Variants in PIWIL1 observed in about 807,000 individuals in gnomAD.
The protein encoded by PIWIL1 is piwi-like protein 1.
In PIWIL1, 73 loss-of-function variants were observed where a neutral mutation model predicts 114.4. The observed-to-expected ratio is 0.64, with a 90% CI of 0.53 to 0.78. The LOEUF is 0.78. Ranked by LOEUF, PIWIL1 falls within the 30% of genes least tolerant of loss-of-function variation. The probability of loss-of-function intolerance (pLI) is 0.00; values close to 1 mark genes in which losing one functional copy is unlikely to be tolerated. For missense variants in PIWIL1, 723 were observed against 1,063.1 expected, an observed-to-expected ratio of 0.68 and a Z score of 4.45; for synonymous variants, 375 against 369.0, an observed-to-expected ratio of 1.02 and a Z score of -0.19.
At chr12:130,399,594 T>G in the PIWIL1 span, 1 of 1,481,526 alleles carries the variant, frequency 6.7e-7, no homozygotes, top group Non-Finnish European at 9.2e-7. Context: ...CGGCCCAAGA[T>G]ATAAAAATAT....
the PIWIL1 span, among the ~76,000 whole-genome samples, chr12:130,408,221 C>A: frequency 5.3e-5 from 8 of 152,278 alleles, no homozygotes; most frequent in African/African-American, 1.9e-4. Context: ...TCTGGGAAGG[C>A]CCCATAGACA....
the PIWIL1 span, chr12:130,414,235 G>C: frequency 1.2e-6 from 2 of 1,614,100 alleles, no homozygotes; most frequent in Non-Finnish European, 8.5e-7. Flanking sequence ...CGGGCCGGGA[G>C]CTCTTCGGCA....
At chr12:130,417,261 C>T in the PIWIL1 span, among the ~76,000 whole-genome samples, 2 of 152,120 alleles carry the variant, frequency 1.3e-5, no homozygotes, top group South Asian at 2.1e-4. Context: ...GAAAAGAAGT[C>T]GTTTCACCAA....
chr12:130,367,742 C>T (rs185110836), intron 19 of PIWIL1, among the ~76,000 whole-genome samples: 1 of 152,298 alleles, frequency 6.6e-6, no homozygotes, highest in East Asian at 1.9e-4. Context: ...ACAGCGGGCA[C>T]CGGCAGGCAC....
At chr12:130,420,582 T>G in the PIWIL1 span, among the ~76,000 whole-genome samples, 1 of 152,188 alleles carries the variant, frequency 6.6e-6, no homozygotes, top group African/African-American at 2.4e-5. This position sits in a 1 kb window ranked among gnomAD's most constrained non-coding sequence, Gnocchi z 4.3. Context: ...TTCTCACTGC[T>G]GATGAATGCA....
At chr12:130,365,452 A>G (rs2073629304) in intron 18 of PIWIL1, among the ~76,000 whole-genome samples, 1 of 152,248 alleles carries the variant, frequency 6.6e-6, no homozygotes, top group Non-Finnish European at 1.5e-5. Context: ...TTGTACATAA[A>G]GGTAAAATAT....
the PIWIL1 span, among the ~76,000 whole-genome samples, chr12:130,403,012 AGT>A: frequency 1.3e-5 from 2 of 152,238 alleles, no homozygotes; most frequent in African/African-American, 4.8e-5. Flanking sequence ...GGACAGCAGG[AGT>A]CCCTCGGGGG....
chr12:130,407,070 A>G, the PIWIL1 span, among the ~76,000 whole-genome samples: 1 of 152,216 alleles, frequency 6.6e-6, no homozygotes, highest in African/African-American at 2.4e-5. Flanking sequence ...CACCCAGCAG[A>G]ACATGGAAGC....
In PIWIL1 at chr12:130,349,478, C is replaced by T. The variant is rs567050397; in HGVS notation, c.932+42C>T. On this transcript the variant is annotated intron_variant, in intron 8 of 20. Transcript: ENST00000245255. ...AAGTGCACAATAATTTTTTGTGAGT[C>T]AAAGTATTGTGGCTTTCTAGTTCTA... 3.7e-6 allele frequency: 5 copies of T among 1,345,850 alleles called. No homozygotes were observed. The African/African-American group carries it at 5.7e-5, about 15-fold the overall frequency. The allele number at this position is 1,345,850 out of a possible 1,614,324, so 83.4% of individuals were successfully genotyped here.
the PIWIL1 span, chr12:130,414,093 G>T: frequency 3.7e-6 from 6 of 1,612,150 alleles, no homozygotes; most frequent in Admixed American, 1.0e-4. Context: ...CTCAGGGGCT[G>T]ATGAAGCCGC....
chr12:130,414,015 C>T, the PIWIL1 span: 4 of 1,197,000 alleles, frequency 3.3e-6, no homozygotes, highest in South Asian at 5.3e-5. Flanking sequence ...CGCCCATGGC[C>T]TGCAGGAGAA....
chr12:130,342,330 C>CT (rs2072943954), intron 1 of PIWIL1: 5 of 500,328 alleles, frequency 1.0e-5, no homozygotes, highest in Non-Finnish European at 1.8e-5. Context: ...AAATGAAAAA[C>CT]TAAGTCTTAT....
At chr12:130,392,243 G>A in the PIWIL1 span, among the ~76,000 whole-genome samples, 102 of 94,484 alleles carry the variant, frequency 1.1e-3, no homozygotes, top group Non-Finnish European at 1.5e-3. Context: ...GTGATGACCC[G>A]GTCACCGTCA....
At chr12:130,392,317 G>A in the PIWIL1 span, among the ~76,000 whole-genome samples, 511 of 96,622 alleles carry the variant, frequency 5.3e-3, 27 homozygotes, top group Admixed American at 8.8e-3. Flanking sequence ...CCGTCATCAT[G>A]TGTCCGTCAG....
the PIWIL1 span, chr12:130,396,515 G>A: frequency 6.6e-6 from 1 of 152,604 alleles, no homozygotes; most frequent in African/African-American, 2.4e-5. Context: ...AATTGAGTCT[G>A]GTTTTGGTGT....
the PIWIL1 span, among the ~76,000 whole-genome samples, chr12:130,409,281 G>C: frequency 1.4e-5 from 2 of 141,348 alleles, no homozygotes; most frequent in Non-Finnish European, 3.1e-5. Flanking sequence ...TCCTGTCCCA[G>C]ACCTTGACCC....
In PIWIL1 at chr12:130,361,258, C is replaced by G. The variant is rs1381158219; in HGVS notation, c.1744C>G (p.Pro582Ala). The G allele has an allele frequency of 6.2e-7, 1 of 1,614,130 alleles. No individual in the cohort carries two copies. Among genetic ancestry groups the G allele is most frequent in the Non-Finnish European group, 8.5e-7 (1 of 1,180,022 alleles). ...KKYLCTDCPT[P>A]SQCVVARTLG... The stretch of plus-strand genomic sequence containing the variant: ...ATACCTGTGTACAGATTGCCCTACC[C>G]CAAGTCAGTGTGTGGTGGCCCGAAC... The change falls in exon 15 of 21, where the codon CCA (proline) becomes GCA (alanine). Residue 582 changes from proline to alanine, a missense_variant. Pro to Ala is a conservative substitution (Grantham distance 27). Transcript: ENST00000245255.
chr12:130,413,447 T>C, the PIWIL1 span, among the ~76,000 whole-genome samples: 1 of 151,990 alleles, frequency 6.6e-6, no homozygotes, highest in Non-Finnish European at 1.5e-5. Context: ...CTGGCTATCA[T>C]GGTGAATCCC....
intron 13 of PIWIL1, 115 bp downstream of exon 13, chr12:130,357,220 C>A: frequency 1.2e-6 from 1 of 833,158 alleles, no homozygotes; most frequent in South Asian, 1.9e-5. Flanking sequence ...ATGTGGCTCC[C>A]TGTAATGCAG....
Sources: allele counts gnomAD v4.1 joint callset (sites outside exome capture counted in the v4.1 genomes callset), GRCh38; gene constraint gnomAD v4.1.1; non-coding constraint Gnocchi (gnomAD v3.1); transcripts MANE v1.5; gene names NCBI Gene and HGNC (gene_info 2026-07-23, HGNC 2026-07-21).